KLF5: variants seen among roughly 807,000 people sequenced by gnomAD.
KLF5 encodes the protein Krueppel-like factor 5.
A neutral mutation model predicts 36.9 loss-of-function variants in KLF5; 9 were observed. The ratio of observed to expected loss-of-function variants is 0.24; its 90% CI spans 0.15 to 0.43. The LOEUF is 0.43. Among genes scored for constraint, KLF5 ranks in the 20% least tolerant of loss-of-function variants. KLF5 has a pLI of 1.00. For missense variants in KLF5, 524 were observed against 599.5 expected, an observed-to-expected ratio of 0.87 and a Z score of 1.31; for synonymous variants, 246 against 241.7, an observed-to-expected ratio of 1.02 and a Z score of -0.17.
At chr13:73,075,621 T>A (rs1379822497) in intron 3 of KLF5, 87 bp from the exon 4 acceptor site, 4 of 1,190,566 alleles carry the variant, frequency 3.4e-6, no homozygotes, top group Non-Finnish European at 4.7e-6. Flanking sequence ...CCAAGATTTT[T>A]TTTTTCTTTG....
rs778406638 is a variant in KLF5 at position 73,062,694 on chromosome 13, C to A, written c.1095C>A (p.Pro365=). Residue 365 remains proline (P), a synonymous_variant, in exon 2 of 4, where the codon CCC becomes CCA. Coordinates refer to ENST00000377687, the MANE Select transcript of KLF5 (RefSeq NM_001730.5). Reference sequence around the variant, plus strand: ...TCAGATACAATAGAAGGAGTAACCCCGATTTGGAGAAACGACGCATCCACT... The same window carrying A: ...TCAGATACAATAGAAGGAGTAACCCAGATTTGGAGAAACGACGCATCCACT... The part of the protein sequence containing the change: ...QPVRYNRRSN[P]DLEKRRIHYC... 2.7e-5 allele frequency: 43 copies of A among 1,613,928 alleles called. No individual in the cohort carries two copies. The highest frequency in any genetic ancestry group is 3.5e-5 in the Non-Finnish European group (41 of 1,179,996).
At chr13:73,072,509 C>T (rs2139117073) in intron 3 of KLF5, among the ~76,000 whole-genome samples, 1 of 152,268 alleles carries the variant, frequency 6.6e-6, no homozygotes, top group Middle Eastern at 3.4e-3. Flanking sequence ...GCTTTAGAAT[C>T]TGGAAATGAA....
rs562276820 is a variant in KLF5, at chr13:73,068,619, G to A, written c.1195+4736G>A. On this transcript the variant is annotated intron_variant, in intron 3 of 3. Coordinates refer to ENST00000377687, the MANE Select transcript of KLF5 (RefSeq NM_001730.5). ...CTCAGGAGGCTGAGGCAAGAGACTC[G>A]TTTGAACCCACGAGGCGGAGGTTGC... Among the ~76,000 whole-genome samples, 7 of 148,154 alleles carry A rather than the reference G, an allele frequency of 4.7e-5. No individual in the cohort carries two copies. In the South Asian group the frequency reaches 6.4e-4, roughly 14 times the overall value.
Position 73,062,189 on chromosome 13 carries a change from AGACCGCAGCTCCAGAGGT to A in KLF5, c.593_610del (p.Thr198_Val203del). On this transcript the variant is annotated inframe_deletion, in exon 2 of 4. Coordinates refer to ENST00000377687, the MANE Select transcript of KLF5 (RefSeq NM_001730.5). Reference sequence around the variant, plus strand: ...TTCACCAGTATATTCAGCTCACACCAGACCGCAGCTCCAGAGGTGAACAATATTTTCATCAAACAAGAA... The same window carrying A: ...TTCACCAGTATATTCAGCTCACACCAGAACAATATTTTCATCAAACAAGAA... 1 of 1,614,120 alleles carries A rather than the reference AGACCGCAGCTCCAGAGGT, an allele frequency of 6.2e-7. No individual in the cohort carries two copies. Among genetic ancestry groups the A allele is most frequent in the Non-Finnish European group, 8.5e-7 (1 of 1,180,012 alleles).
At chr13:73,059,676 C>A in intron 1 of KLF5, 88 bp downstream of exon 1, 1 of 1,025,508 alleles carries the variant, frequency 9.8e-7, no homozygotes, top group East Asian at 7.8e-5. Flanking sequence ...GGGGCCGCTC[C>A]AGGCTGGGGC....
chr13:73,061,824 C>T (rs2044637103), intron 1 of KLF5, 37 bp from the exon 2 acceptor site: 1 of 1,582,864 alleles, frequency 6.3e-7, no homozygotes, highest in Admixed American at 1.7e-5. Flanking sequence ...GATGGTGAAT[C>T]AGGTGGATTA....
chr13:73,059,220 C>G lies in KLF5; in HGVS notation c.-108C>G. On this transcript the variant is annotated 5_prime_UTR_variant, in exon 1 of 4. Transcript: ENST00000377687. ...GCTGTCTGAGGAGTCCACCCGAAAC[C>G]TCCCCTCCTCCGCCGGCAGCCCCGC... The G allele has an allele frequency of 8.9e-7, 1 of 1,117,606 alleles. No homozygotes were observed. Among genetic ancestry groups the G allele is most frequent in the Non-Finnish European group, 1.1e-6 (1 of 875,170 alleles). 69.2% of individuals were successfully genotyped at this position (1,117,606 alleles called of 1,614,324 possible). A position where few individuals can be genotyped will look rare whatever the true frequency, so the allele number is the denominator to read the frequency against.
chr13:73,074,485 A>G (rs1008424439), intron 3 of KLF5, among the ~76,000 whole-genome samples: 1 of 152,144 alleles, frequency 6.6e-6, no homozygotes, highest in African/African-American at 2.4e-5. Flanking sequence ...TATCTCACGA[A>G]TTCTTATAAA....
At position 73,076,040 on chromosome 13, in the gene KLF5, A is replaced by G; in HGVS notation, c.*154A>G. 2 of 624,038 alleles carry G rather than the reference A, an allele frequency of 3.2e-6. No homozygotes were observed. The highest frequency in any genetic ancestry group is 5.1e-6 in the Non-Finnish European group (2 of 390,604). The allele number at this position is 624,038 out of a possible 1,614,324, so 38.7% of individuals were successfully genotyped here. On this transcript the variant is annotated 3_prime_UTR_variant, in exon 4 of 4. Coordinates refer to ENST00000377687, the MANE Select transcript of KLF5 (RefSeq NM_001730.5). ...TTGTATATTTGAGAAAACAGGGAAT[A>G]CATTGTATTAATACCAAAGTGTTTG...
Position 73,059,254 on chromosome 13 carries a change from C to A in KLF5, c.-74C>A, listed in dbSNP as rs925552512. ...TCCGCCGGCAGCCCCGCGCTGAGCT[C>A]GCCGACCCAAGCCAGCGTGGGCGAG... On this transcript the variant is annotated 5_prime_UTR_variant, in exon 1 of 4. Coordinates refer to ENST00000377687, the MANE Select transcript of KLF5 (RefSeq NM_001730.5). The A allele has an allele frequency of 1.6e-6, 2 of 1,253,334 alleles. No individual in the cohort carries two copies. The highest frequency in any genetic ancestry group is 2.7e-5 in the South Asian group (1 of 37,566). 77.6% of individuals were successfully genotyped at this position (1,253,334 alleles called of 1,614,324 possible).
At chr13:73,060,900 C>A (rs533531860) in intron 1 of KLF5, among the ~76,000 whole-genome samples, 1 of 152,130 alleles carries the variant, frequency 6.6e-6, no homozygotes, top group African/African-American at 2.4e-5. Flanking sequence ...AAGAGATCAC[C>A]GTTTGAAAAG....
chr13:73,065,381 C>A (rs919605725), intron 3 of KLF5, among the ~76,000 whole-genome samples: 1 of 152,218 alleles, frequency 6.6e-6, no homozygotes, highest in African/African-American at 2.4e-5. Context: ...ACACTACTTA[C>A]TAAAATCCGA....
intron 3 of KLF5, among the ~76,000 whole-genome samples, chr13:73,065,092 C>T (rs1056612722): frequency 5.9e-5 from 9 of 152,114 alleles, no homozygotes; most frequent in African/African-American, 2.2e-4. Flanking sequence ...AAAGCAATGA[C>T]CTAGCAAAAT....
intron 2 of KLF5, 44 bp from the exon 3 acceptor site, chr13:73,063,780 T>G (rs2044658218): frequency 7.5e-7 from 1 of 1,335,662 alleles, no homozygotes; most frequent in East Asian, 2.3e-5. Context: ...TGTAAAGATT[T>G]CAAAAGGATC....
intron 3 of KLF5, among the ~76,000 whole-genome samples, chr13:73,067,997 C>A (rs569239516): frequency 6.6e-6 from 1 of 151,956 alleles, no homozygotes; most frequent in Non-Finnish European, 1.5e-5. Context: ...CCTGCCACCA[C>A]GCCCGGCTAA....
In KLF5 at chr13:73,077,253, G is replaced by A. The variant is rs1444602613; in HGVS notation, c.*1367G>A. 1.3e-5 allele frequency: 2 copies of A among 152,522 alleles called. No individual in the cohort carries two copies. The highest frequency in any genetic ancestry group is 4.8e-5 in the African/African-American group (2 of 41,420). 9.4% of individuals were successfully genotyped at this position (152,522 alleles called of 1,614,324 possible). ...AATTTTCATAACTTGATAAATTATAGTTTTGTTTGTTAGAAAAGTTGCTCT... is the reference window on the plus strand; with the variant it reads ...AATTTTCATAACTTGATAAATTATAATTTTGTTTGTTAGAAAAGTTGCTCT... On this transcript the variant is annotated 3_prime_UTR_variant, in exon 4 of 4. Coordinates refer to ENST00000377687, the MANE Select transcript of KLF5 (RefSeq NM_001730.5).
chr13:73,060,531 C>G (rs1248529512), intron 1 of KLF5: 1 of 152,244 alleles, frequency 6.6e-6, no homozygotes, highest in Non-Finnish European at 1.5e-5. Context: ...AGCGCCTACT[C>G]CGTGGGGTCT....
chr13:73,062,602 A>C lies in KLF5; in HGVS notation c.1003A>C (p.Lys335Gln). Reference sequence around the variant, plus strand: ...ATCCTATGCTGCTACAATTGCTTCTAAACTGGCAATTCACAATCCAAATTT... The same window carrying C: ...ATCCTATGCTGCTACAATTGCTTCTCAACTGGCAATTCACAATCCAAATTT... Reference protein sequence around the residue: ...PPSYAATIASKLAIHNPNLPT... With the variant: ...PPSYAATIASQLAIHNPNLPT... Residue 335 changes from lysine to glutamine, a missense_variant, in exon 2 of 4, where the codon AAA becomes CAA. Around this residue, in one of 4 missense-constraint regions of KLF5, gnomAD observed 454 missense variants for 458.1 expected, o/e 0.99. Transcript: ENST00000377687. 6.2e-7 allele frequency: 1 copy of C among 1,614,242 alleles called. No individual in the cohort carries two copies. Among genetic ancestry groups the C allele is most frequent in the Non-Finnish European group, 8.5e-7 (1 of 1,180,036 alleles).
intron 1 of KLF5, among the ~76,000 whole-genome samples, chr13:73,060,992 G>A (rs925918384): frequency 6.6e-6 from 1 of 152,078 alleles, no homozygotes; most frequent in African/African-American, 2.4e-5. Context: ...TACAGAGTAG[G>A]GGGGAATGTA....
Sources: allele counts gnomAD v4.1 joint callset (sites outside exome capture counted in the v4.1 genomes callset), GRCh38; gene constraint gnomAD v4.1.1; regional missense constraint gnomAD v4.1.1; transcripts MANE v1.5; gene names NCBI Gene and HGNC (gene_info 2026-07-23, HGNC 2026-07-21).